The following AKR1C8 variants were observed in gnomAD, a reference collection of about 807,000 sequenced individuals.
The protein encoded by AKR1C8 is aldo-keto reductase family 1 member C8, also known as aldo-keto reductase family 1 member C-like protein 1.
the AKR1C8 span, chr10:5,132,845 A>G: frequency 5.0e-6 from 3 of 595,360 alleles, no homozygotes; most frequent in African/African-American, 1.9e-5. Context: ...AATGACCCTC[A>G]CAAAAATCAC....
the AKR1C8 span, among the ~76,000 whole-genome samples, chr10:5,139,289 G>A: frequency 1.3e-5 from 2 of 151,988 alleles, no homozygotes; most frequent in South Asian, 2.1e-4. Context: ...TCACAGAATT[G>A]GAAAAAACTA....
the AKR1C8 span, among the ~76,000 whole-genome samples, chr10:5,145,469 G>T: frequency 6.6e-6 from 1 of 151,842 alleles, no homozygotes; most frequent in Non-Finnish European, 1.5e-5. Flanking sequence ...CTAATATCCA[G>T]AATCTACAAT....
chr10:5,167,025 A>C, the AKR1C8 span, among the ~76,000 whole-genome samples: 1 of 152,244 alleles, frequency 6.6e-6, no homozygotes, highest in African/African-American at 2.4e-5. Flanking sequence ...CAAAAGACAC[A>C]TGAAAAAATG....
the AKR1C8 span, among the ~76,000 whole-genome samples, chr10:5,147,121 G>A: frequency 8.2e-4 from 125 of 152,290 alleles, no homozygotes; most frequent in Admixed American, 1.4e-3. Context: ...GTTAGCATGC[G>A]CTGACGTCAG....
the AKR1C8 span, among the ~76,000 whole-genome samples, chr10:5,120,285 G>A: frequency 1.3e-5 from 2 of 152,218 alleles, no homozygotes; most frequent in East Asian, 3.9e-4. Context: ...GTAAGACTCT[G>A]TGGCTCTCAG....
the AKR1C8 span, among the ~76,000 whole-genome samples, chr10:5,149,301 A>T: frequency 1.4e-4 from 21 of 152,232 alleles, no homozygotes; most frequent in Admixed American, 3.9e-4. Context: ...ATCAAAGACA[A>T]ATAATGATAG....
the AKR1C8 span, among the ~76,000 whole-genome samples, chr10:5,164,525 G>A: frequency 1.3e-5 from 2 of 151,960 alleles, no homozygotes; most frequent in African/African-American, 2.4e-5. Context: ...GGGTTAGCAG[G>A]AGCCAACCGT....
chr10:5,148,754 C>A, the AKR1C8 span, among the ~76,000 whole-genome samples: 1 of 152,128 alleles, frequency 6.6e-6, no homozygotes, highest in Non-Finnish European at 1.5e-5. Flanking sequence ...AAAAGGAAGG[C>A]AGCTTTTGGA....
At chr10:5,145,923 C>G in the AKR1C8 span, among the ~76,000 whole-genome samples, 1 of 151,924 alleles carries the variant, frequency 6.6e-6, no homozygotes, top group African/African-American at 2.4e-5. Context: ...GCACTATTCA[C>G]AATAGCAAAG....
the AKR1C8 span, among the ~76,000 whole-genome samples, chr10:5,176,906 G>C: frequency 7.2e-5 from 11 of 152,158 alleles, no homozygotes; most frequent in Middle Eastern, 3.4e-3. Flanking sequence ...TCTAGATATA[G>C]AATCATGTCG....
chr10:5,124,945 A>G, the AKR1C8 span, among the ~76,000 whole-genome samples: 1 of 152,238 alleles, frequency 6.6e-6, no homozygotes, highest in East Asian at 1.9e-4. Flanking sequence ...GACATAAAGC[A>G]TTCAAGTATA....
chr10:5,151,557 G>GTTTT, the AKR1C8 span, among the ~76,000 whole-genome samples: 837 of 132,648 alleles, frequency 6.3e-3, 12 homozygotes, highest in Middle Eastern at 0.016. Context: ...TTCCCTTTGG[G>GTTTT]TTTTTTTTTT....
chr10:5,166,452 G>A, the AKR1C8 span, among the ~76,000 whole-genome samples: 26 of 152,184 alleles, frequency 1.7e-4, no homozygotes, highest in East Asian at 1.5e-3. Context: ...ATAGACCAAC[G>A]GAACAGAACA....
At chr10:5,137,285 G>C in the AKR1C8 span, among the ~76,000 whole-genome samples, 1 of 152,068 alleles carries the variant, frequency 6.6e-6, no homozygotes, top group East Asian at 1.9e-4. Context: ...AAGCCTGGCA[G>C]AGACACAACA....
the AKR1C8 span, among the ~76,000 whole-genome samples, chr10:5,168,580 C>T: frequency 6.6e-6 from 1 of 152,138 alleles, no homozygotes; most frequent in Non-Finnish European, 1.5e-5. Flanking sequence ...CAAAATCTAA[C>T]TTAAGTGCTT....
At chr10:5,158,189 C>A in the AKR1C8 span, among the ~76,000 whole-genome samples, 9 of 152,200 alleles carry the variant, frequency 5.9e-5, no homozygotes, top group African/African-American at 9.6e-5. Context: ...GGTGAAAAAA[C>A]CAGAAAATAG....
At chr10:5,176,366 T>G in the AKR1C8 span, among the ~76,000 whole-genome samples, 2 of 143,136 alleles carry the variant, frequency 1.4e-5, no homozygotes, top group South Asian at 2.2e-4. Context: ...TACCATGCTG[T>G]TTTGGTTACT....
the AKR1C8 span, among the ~76,000 whole-genome samples, chr10:5,167,623 G>T: frequency 6.6e-6 from 1 of 152,132 alleles, no homozygotes; most frequent in Admixed American, 6.5e-5. Flanking sequence ...AACACACACT[G>T]GGGCTTGTTG....
At chr10:5,160,099 A>G in the AKR1C8 span, 1 of 283,644 alleles carries the variant, frequency 3.5e-6, no homozygotes, top group Non-Finnish European at 7.6e-6. Context: ...CTGTTTTAAC[A>G]TATATAAATA....
Sources: gnomAD v4.1 joint callset for allele counts (sites outside exome capture counted in the v4.1 genomes callset) on GRCh38, gnomAD v4.1.1 for gene constraint, MANE v1.5 for transcripts, NCBI Gene and HGNC (gene_info 2026-07-23, HGNC 2026-07-21) for gene names.